Variants in ASPH observed in about 807,000 individuals in gnomAD.
ASPH encodes aspartate beta-hydroxylase.
In ASPH, 100 loss-of-function variants were observed where a neutral mutation model predicts 118.4. The observed-to-expected ratio is 0.84, with a 90% CI of 0.72 to 1.00. The LOEUF (loss-of-function observed/expected upper bound fraction) is 1.00, where lower values mean the gene tolerates loss of function less well. ASPH is among the 50% of genes least tolerant of loss of function. ASPH has a pLI of 0.00. For missense variants in ASPH, 920 were observed against 919.5 expected, an observed-to-expected ratio of 1.00 and a Z score of -0.01; for synonymous variants, 315 against 325.6, an observed-to-expected ratio of 0.97 and a Z score of 0.35.
intron 22 of ASPH, among the ~76,000 whole-genome samples, chr8:61,519,667 C>T (rs1263952326): frequency 2.1e-5 from 1 of 47,062 alleles, no homozygotes; most frequent in Non-Finnish European, 4.2e-5. Flanking sequence ...TCACAGCATC[C>T]TTAAATGTGG....
At chr8:61,578,549 G>A in intron 15 of ASPH, 6 of 1,522,520 alleles carry the variant, frequency 3.9e-6, no homozygotes, top group South Asian at 1.1e-5. Flanking sequence ...ACAAGGTACG[G>A]TTCCTGGAGC....
intron 5 of ASPH, among the ~76,000 whole-genome samples, chr8:61,648,810 C>T (rs1809393768): frequency 6.6e-6 from 1 of 152,124 alleles, no homozygotes; most frequent in South Asian, 2.1e-4. Flanking sequence ...GTGCTAAAGC[C>T]ACATGGCTAA....
In ASPH at chr8:61,503,074, T is replaced by A. The variant is rs916949967; in HGVS notation, c.*285A>T. 21 of 273,448 alleles carry A rather than the reference T, an allele frequency of 7.7e-5. No homozygotes were observed. The highest frequency in any genetic ancestry group is 1.0e-4 in the Non-Finnish European group (15 of 147,632). The allele number at this position is 273,448 out of a possible 1,614,324, so 16.9% of individuals were successfully genotyped here. The stretch of plus-strand genomic sequence containing the variant: ...TTAGACCTATTCTATGTGGAAAAAA[T>A]ATCTTTGGCTGGTAAGGTAGAAGCT... On this transcript the variant is annotated 3_prime_UTR_variant, in exon 25 of 25. Transcript: ENST00000379454.
intron 21 of ASPH, among the ~76,000 whole-genome samples, chr8:61,526,706 G>A (rs904554106): frequency 6.6e-6 from 1 of 152,194 alleles, no homozygotes; most frequent in African/African-American, 2.4e-5. Flanking sequence ...TCTCATTTGT[G>A]AGGGAGCCTT....
intron 1 of ASPH, among the ~76,000 whole-genome samples, chr8:61,695,405 C>A (rs970199939): frequency 6.6e-6 from 1 of 152,204 alleles, no homozygotes; most frequent in Non-Finnish European, 1.5e-5. Context: ...TGTGTCACCC[C>A]CCTAGCTGCC....
chr8:61,619,821 A>G (rs1053702552), intron 13 of ASPH, among the ~76,000 whole-genome samples: 9 of 152,190 alleles, frequency 5.9e-5, no homozygotes, highest in Admixed American at 5.9e-4. Flanking sequence ...TTACAGCCCT[A>G]GTAGGAACTT....
Position 61,643,389 on chromosome 8 carries a change from T to C in ASPH, c.754A>G (p.Thr252Ala), listed in dbSNP as rs767463504. The C allele has an allele frequency of 3.1e-6, 5 of 1,605,956 alleles. No individual in the cohort carries two copies. The highest frequency in any genetic ancestry group is 4.2e-6 in the Non-Finnish European group (5 of 1,179,170). Reference sequence around the variant, plus strand: ...AATGAAAATGCTCATCTAATACCTGTATCATGGTGCAATCTTTCATCTTCT... The same window carrying C: ...AATGAAAATGCTCATCTAATACCTGCATCATGGTGCAATCTTTCATCTTCT... ...VVEDERLHHD[T>A]DDVTYQVYEE... The change falls in exon 9 of 25, where the codon ACA (threonine) becomes GCA (alanine). Residue 252 changes from threonine to alanine, a missense_variant. Thr to Ala is a moderately conservative substitution (Grantham distance 58, BLOSUM62 0). Coordinates refer to ENST00000379454, the MANE Select transcript of ASPH (RefSeq NM_004318.4).
At chr8:61,527,347 A>G (rs1815773803) in intron 21 of ASPH, among the ~76,000 whole-genome samples, 1 of 152,204 alleles carries the variant, frequency 6.6e-6, no homozygotes, top group South Asian at 2.1e-4. Context: ...TTATAAACTC[A>G]TGATTCCACA....
At chr8:61,553,675 A>C (rs1305904810) in intron 19 of ASPH, among the ~76,000 whole-genome samples, 1 of 151,910 alleles carries the variant, frequency 6.6e-6, no homozygotes, top group Non-Finnish European at 1.5e-5. Flanking sequence ...TTTTTATTAA[A>C]CAAATCCCTA....
chr8:61,643,534 C>A, intron 8 of ASPH, 101 bp from the exon 9 acceptor site: 1 of 1,174,092 alleles, frequency 8.5e-7, no homozygotes, highest in Non-Finnish European at 1.2e-6. Flanking sequence ...CACAACTTTG[C>A]CAGATAGATG....
chr8:61,582,688 A>G (rs558615335), intron 15 of ASPH, among the ~76,000 whole-genome samples: 2 of 152,346 alleles, frequency 1.3e-5, no homozygotes, highest in South Asian at 2.1e-4. Flanking sequence ...TCATTGGTAC[A>G]CTTTCAATAA....
Position 61,563,101 on chromosome 8 carries a change from A to G in ASPH, c.1301-221T>C, listed in dbSNP as rs563659158. 2.6e-5 allele frequency among the ~76,000 whole-genome samples: 4 copies of G among 152,166 alleles called. No homozygotes were observed. In the South Asian group the frequency reaches 8.3e-4, roughly 32 times the overall value. On this transcript the variant is annotated intron_variant, in intron 17 of 24. Transcript: ENST00000379454. ...ATACTGAATATGGTATTGATTATAA[A>G]CATCTAAAGACATTCTCATTTTTTA...
chr8:61,599,874 T>C (rs1252972514), intron 14 of ASPH, among the ~76,000 whole-genome samples: 1 of 152,142 alleles, frequency 6.6e-6, no homozygotes, highest in African/African-American at 2.4e-5. Context: ...TCCAAAAAAT[T>C]GAAGAGAAGG....
chr8:61,581,876 A>G (rs1587619290), intron 15 of ASPH, among the ~76,000 whole-genome samples: 1 of 152,312 alleles, frequency 6.6e-6, no homozygotes, highest in East Asian at 1.9e-4. Flanking sequence ...AATAATAAAT[A>G]TTATTATTTT....
chr8:61,696,661 G>GA (rs10653118), intron 1 of ASPH, among the ~76,000 whole-genome samples: 119,706 of 149,780 alleles, frequency 0.8, 47,889 homozygotes, highest in Non-Finnish European at 0.84. Flanking sequence ...CGGTCTCATA[G>GA]AAAAAAAAAA....
chr8:61,607,399 A>T, intron 14 of ASPH: 1 of 616,848 alleles, frequency 1.6e-6, no homozygotes, highest in Non-Finnish European at 2.9e-6. Flanking sequence ...ACTTTTAAAA[A>T]TGAACTCAAA....
chr8:61,555,717 GC>G (rs1426095429), intron 19 of ASPH, among the ~76,000 whole-genome samples: 1 of 152,180 alleles, frequency 6.6e-6, no homozygotes, highest in Non-Finnish European at 1.5e-5. Flanking sequence ...AATCATCTCT[GC>G]TCAAGTGGTT....
chr8:61,619,021 T>G lies in ASPH; in HGVS notation c.935-2A>C. 1 of 1,600,022 alleles carries G rather than the reference T, an allele frequency of 6.2e-7. No homozygotes were observed. ...GATCATCTGTTTTTCTATTTGTTTCTGAAAATTAAAGACAAAACATAGTAA... is the reference window on the plus strand; with the variant it reads ...GATCATCTGTTTTTCTATTTGTTTCGGAAAATTAAAGACAAAACATAGTAA... On this transcript the variant is annotated splice_acceptor_variant, in intron 13 of 24. Coordinates refer to ENST00000379454, the MANE Select transcript of ASPH (RefSeq NM_004318.4). LOFTEE classifies it high-confidence loss of function.
intron 1 of ASPH, among the ~76,000 whole-genome samples, chr8:61,685,436 A>G (rs530080454): frequency 1.3e-3 from 199 of 152,202 alleles, no homozygotes; most frequent in Non-Finnish European, 2.3e-3. Flanking sequence ...AACTAAGAAC[A>G]TACTCTCATC....
Sources: allele counts gnomAD v4.1 joint callset (sites outside exome capture counted in the v4.1 genomes callset), GRCh38; gene constraint gnomAD v4.1.1; transcripts MANE v1.5; gene names NCBI Gene and HGNC (gene_info 2026-07-23, HGNC 2026-07-21).